CACNA1B: variants seen among roughly 807,000 people sequenced by gnomAD.
CACNA1B encodes calcium voltage-gated channel subunit alpha1 B, also known as voltage-dependent N-type calcium channel subunit alpha-1B.
Under a neutral mutation model 247.2 loss-of-function variants are expected in CACNA1B, and 70 were observed. The ratio of observed to expected loss-of-function variants is 0.28; its 90% CI spans 0.23 to 0.35. CACNA1B has a LOEUF of 0.35. CACNA1B is among the 10% of genes least tolerant of loss of function. CACNA1B has a pLI of 1.00. For synonymous variants in CACNA1B, 1,231 were observed against 1,294.4 expected (o/e 0.95, Z 1.05); for missense variants, 2,367 against 3,197.4 (o/e 0.74, Z 6.26).
In CACNA1B at chr9:138,102,080, G is replaced by T. The variant is rs1204641966; in HGVS notation, c.5223-631G>T. 6.6e-6 allele frequency among the ~76,000 whole-genome samples: 1 copy of T among 152,194 alleles called. No individual in the cohort carries two copies. Among genetic ancestry groups the T allele is most frequent in the Admixed American group, 6.5e-5 (1 of 15,286 alleles). The stretch of plus-strand genomic sequence containing the variant: ...AGCCCCAGCAGCAGCCCTGCCCTGG[G>T]CTGGCCTCGGGCGTCTCTGGGCTTG... On this transcript the variant is annotated intron_variant, in intron 37 of 46. Coordinates refer to ENST00000371372, the MANE Select transcript of CACNA1B (RefSeq NM_000718.4). The surrounding 1 kb of genome is among the most constrained non-coding windows in gnomAD (Gnocchi z 5.4).
intron 10 of CACNA1B, among the ~76,000 whole-genome samples, chr9:137,966,818 G>T (rs755822150): frequency 6.6e-6 from 1 of 152,156 alleles, no homozygotes; most frequent in Non-Finnish European, 1.5e-5. Context: ...GATTACAGGC[G>T]TGAGCCACCG....
intron 39 of CACNA1B, among the ~76,000 whole-genome samples, chr9:138,106,889 C>T (rs1312562571): frequency 6.6e-6 from 1 of 152,228 alleles, no homozygotes; most frequent in Non-Finnish European, 1.5e-5. Flanking sequence ...CCCAGCTTCA[C>T]CAGAGCTGCC....
At chr9:138,022,025 A>G (rs1958851526) in intron 18 of CACNA1B, among the ~76,000 whole-genome samples, 1 of 152,226 alleles carries the variant, frequency 6.6e-6, no homozygotes, top group East Asian at 1.9e-4. Flanking sequence ...CAGAATGCAA[A>G]GGGCTTCCTG....
Position 138,058,943 on chromosome 9 carries a change from G to A in CACNA1B, c.4474-136G>A. 10 of 712,238 alleles carry A rather than the reference G, an allele frequency of 1.4e-5. No individual in the cohort carries two copies. Among genetic ancestry groups the A allele is most frequent in the Non-Finnish European group, 2.0e-5 (8 of 406,106 alleles). 44.1% of individuals were successfully genotyped at this position (712,238 alleles called of 1,614,324 possible). On this transcript the variant is annotated intron_variant, in intron 29 of 46. Transcript: ENST00000371372. The surrounding 1 kb of genome is among the most constrained non-coding windows in gnomAD (Gnocchi z 4.7). Reference sequence around the variant, plus strand: ...GTGGGGAGGTTCTGGGAGGACTCGGGGAGAGCAGGAAGGGGTGTCCCAGGC... The same window carrying A: ...GTGGGGAGGTTCTGGGAGGACTCGGAGAGAGCAGGAAGGGGTGTCCCAGGC...
chr9:138,058,018 TC>T lies in CACNA1B; in HGVS notation c.4107-27del. The T allele has an allele frequency of 6.3e-7, 1 of 1,596,638 alleles. No individual in the cohort carries two copies. Among genetic ancestry groups the T allele is most frequent in the Non-Finnish European group, 8.6e-7 (1 of 1,164,094 alleles). On this transcript the variant is annotated intron_variant, in intron 27 of 46. Transcript: ENST00000371372. This position sits in a 1 kb window ranked among gnomAD's most constrained non-coding sequence, Gnocchi z 4.7. Reference sequence around the variant, plus strand: ...TCTTAGGGCTGTCTCCTTTGGGGGTTCCCCTGACACTTGCTCTCCTCTTTGC... The same window carrying T: ...TCTTAGGGCTGTCTCCTTTGGGGGTTCCCTGACACTTGCTCTCCTCTTTGC...
At position 138,023,585 on chromosome 9, in the gene CACNA1B, G is replaced by C. The variant is rs1433511971; in HGVS notation, c.2842G>C (p.Ala948Pro). Reference sequence around the variant, plus strand: ...GCACCAGGATCCGAGCAAGGAGTGCGCCGGCGCCAAGGGCGAGCGGCGCGC... The same window carrying C: ...GCACCAGGATCCGAGCAAGGAGTGCCCCGGCGCCAAGGGCGAGCGGCGCGC... ...HRHQDPSKEC[A>P]GAKGERRARH... Residue 948 changes from alanine (A) to proline (P), a missense_variant, in exon 19 of 47, where the codon GCC becomes CCC. Around this residue, in one of 12 missense-constraint regions of CACNA1B, gnomAD observed 631 missense variants for 631.1 expected, o/e 1.00. Coordinates refer to ENST00000371372, the MANE Select transcript of CACNA1B (RefSeq NM_000718.4). 1.9e-6 allele frequency: 2 copies of C among 1,080,398 alleles called. No homozygotes were observed. Among genetic ancestry groups the C allele is most frequent in the East Asian group, 8.4e-5 (1 of 11,864 alleles). The allele number at this position is 1,080,398 out of a possible 1,614,324, so 66.9% of individuals were successfully genotyped here.
rs771824005 is a variant in CACNA1B at position 138,057,892 on chromosome 9, G to T, written c.4106+23G>T. ...CATGTGAGTGCTCATCCTGCTCTCC[G>T]TAGCTGGGGCAGGCAGCCCCTGAGC... On this transcript the variant is annotated intron_variant, in intron 27 of 46. Coordinates refer to ENST00000371372, the MANE Select transcript of CACNA1B (RefSeq NM_000718.4). This position sits in a 1 kb window ranked among gnomAD's most constrained non-coding sequence, Gnocchi z 4.0. 5 of 1,596,354 alleles carry T rather than the reference G, an allele frequency of 3.1e-6. No homozygotes were observed. Among genetic ancestry groups the T allele is most frequent in the Non-Finnish European group, 4.3e-6 (5 of 1,166,886 alleles).
intron 3 of CACNA1B, among the ~76,000 whole-genome samples, chr9:137,886,137 C>T (rs1453028611): frequency 2.6e-5 from 4 of 151,856 alleles, no homozygotes; most frequent in Admixed American, 2.6e-4. Context: ...ATTCTGGGCC[C>T]AGGAGTGAGG....
intron 36 of CACNA1B, among the ~76,000 whole-genome samples, chr9:138,080,590 T>C (rs1960493912): frequency 6.6e-6 from 1 of 152,116 alleles, no homozygotes; most frequent in Admixed American, 6.6e-5. Context: ...TCTCTGTGGA[T>C]CTTAAAAGCA....
chr9:138,029,721 C>T (rs1958965511), intron 20 of CACNA1B, among the ~76,000 whole-genome samples: 1 of 150,932 alleles, frequency 6.6e-6, no homozygotes, highest in African/African-American at 2.4e-5. Flanking sequence ...AAGTGATTCT[C>T]GTTCAAAGTG....
chr9:138,062,092 C>A (rs1233618120), intron 31 of CACNA1B, among the ~76,000 whole-genome samples: 1 of 152,204 alleles, frequency 6.6e-6, no homozygotes, highest in Non-Finnish European at 1.5e-5. Flanking sequence ...CATGCCTGTT[C>A]CCAAGGCCCA....
chr9:138,082,727 G>A (rs1307036697), intron 36 of CACNA1B, among the ~76,000 whole-genome samples: 2 of 151,212 alleles, frequency 1.3e-5, no homozygotes, highest in East Asian at 2.0e-4. Context: ...TAAGAAATGA[G>A]AGGTAACGTC....
intron 6 of CACNA1B, among the ~76,000 whole-genome samples, chr9:137,946,021 C>T (rs1157107645): frequency 6.6e-6 from 1 of 151,954 alleles, no homozygotes; most frequent in African/African-American, 2.4e-5. Flanking sequence ...AGGGTTTCAC[C>T]ATATTGGCCA....
Position 138,008,438 on chromosome 9 carries a change from T to C in CACNA1B, c.2092+1554T>C, listed in dbSNP as rs1373796349. 2.0e-5 allele frequency among the ~76,000 whole-genome samples: 3 copies of C among 152,352 alleles called. No homozygotes were observed. The East Asian group carries it at 5.8e-4, about 29-fold the overall frequency. On this transcript the variant is annotated intron_variant, in intron 16 of 46. Coordinates refer to ENST00000371372, the MANE Select transcript of CACNA1B (RefSeq NM_000718.4). ...GAAAGGCCTCTGAGGTGTCAGTGGC[T>C]GTGGCTGGTGCCTGGAGGTGTCAGC...
intron 6 of CACNA1B, among the ~76,000 whole-genome samples, chr9:137,946,067 G>T (rs982601368): frequency 3.3e-5 from 5 of 152,078 alleles, no homozygotes; most frequent in African/African-American, 1.2e-4. Flanking sequence ...TGATCCACCT[G>T]CCTTGGCCTC....
chr9:138,119,893 C>T (rs948627067), intron 44 of CACNA1B, among the ~76,000 whole-genome samples: 6 of 152,206 alleles, frequency 3.9e-5, no homozygotes, highest in African/African-American at 7.2e-5. Flanking sequence ...CCAGCAGAGG[C>T]GTCTCTGGTT....
At chr9:137,946,883 C>T (rs1369513469) in intron 6 of CACNA1B, among the ~76,000 whole-genome samples, 3 of 151,820 alleles carry the variant, frequency 2.0e-5, no homozygotes, top group Non-Finnish European at 4.4e-5. Context: ...AAATACGTTA[C>T]CGGGGGGGTC....
rs1957381950 is a variant in CACNA1B at position 137,913,693 on chromosome 9, G to A, written c.622+422G>A. ...TCAGGGCCACTGGGGACTGAGGCCAGCCTTAAGACATGCTCCTGAAGTGGG... is the reference window on the plus strand; with the variant it reads ...TCAGGGCCACTGGGGACTGAGGCCAACCTTAAGACATGCTCCTGAAGTGGG... On this transcript the variant is annotated intron_variant, in intron 4 of 46. Transcript: ENST00000371372. The surrounding 1 kb of genome is among the most constrained non-coding windows in gnomAD (Gnocchi z 5.2). Among the ~76,000 whole-genome samples, 1 of 152,220 alleles carries A rather than the reference G, an allele frequency of 6.6e-6. No homozygotes were observed. Among genetic ancestry groups the A allele is most frequent in the African/African-American group, 2.4e-5 (1 of 41,458 alleles).
intron 3 of CACNA1B, among the ~76,000 whole-genome samples, chr9:137,893,083 C>T (rs940927394): frequency 6.6e-6 from 1 of 152,194 alleles, no homozygotes; most frequent in African/African-American, 2.4e-5. Context: ...CCCCCACCCT[C>T]CCAGGAGGTG....
Sources: allele counts gnomAD v4.1 joint callset (sites outside exome capture counted in the v4.1 genomes callset), GRCh38; gene constraint gnomAD v4.1.1; regional missense constraint gnomAD v4.1.1; non-coding constraint Gnocchi (gnomAD v3.1); transcripts MANE v1.5; gene names NCBI Gene and HGNC (gene_info 2026-07-23, HGNC 2026-07-21).